Variants in SGIP1 observed in about 807,000 individuals in gnomAD.
SGIP1 encodes the protein SH3GL interacting endocytic adaptor 1.
In SGIP1, 38 loss-of-function variants were observed where a neutral mutation model predicts 107.5. That is an observed-to-expected ratio of 0.35 (90% CI 0.27 to 0.46). The LOEUF (loss-of-function observed/expected upper bound fraction) is 0.46. Among genes scored for constraint, SGIP1 ranks in the 20% least tolerant of loss-of-function variants. SGIP1 has a pLI of 1.00. For synonymous variants in SGIP1, 365 were observed against 366.1 expected (o/e 1.00, Z 0.03); for missense variants, 929 against 1,019.5 (o/e 0.91, Z 1.21).
chr1:66,646,107 C>G (rs2077613348), intron 7 of SGIP1, among the ~76,000 whole-genome samples: 1 of 152,146 alleles, frequency 6.6e-6, no homozygotes. Flanking sequence ...TCCCAAAGTG[C>G]TGGGATTACA....
chr1:66,729,073 TAACA>T (rs916941024), intron 19 of SGIP1, among the ~76,000 whole-genome samples, 187 bp from the exon 20 acceptor site: 8 of 152,206 alleles, frequency 5.3e-5, no homozygotes, highest in African/African-American at 1.9e-4. Flanking sequence ...TTTACCTATA[TAACA>T]AACCTGCACA....
chr1:66,563,995 C>A (rs1295149981), intron 1 of SGIP1, among the ~76,000 whole-genome samples: 1 of 151,944 alleles, frequency 6.6e-6, no homozygotes, highest in Non-Finnish European at 1.5e-5. Flanking sequence ...AGACTGTAAG[C>A]AATCATATAG....
chr1:66,671,915 C>G, intron 10 of SGIP1, 29 bp from the exon 11 acceptor site: 2 of 1,611,936 alleles, frequency 1.2e-6, no homozygotes, highest in South Asian at 2.2e-5. Flanking sequence ...AAAAATTTGT[C>G]TAAAAAGTTC....
At chr1:66,602,665 A>T (rs2066088285) in intron 1 of SGIP1, among the ~76,000 whole-genome samples, 1 of 151,958 alleles carries the variant, frequency 6.6e-6, no homozygotes, top group African/African-American at 2.4e-5. Context: ...TAAATAAATA[A>T]AAAGAAATAC....
chr1:66,659,005 G>A (rs1280446681), intron 7 of SGIP1, among the ~76,000 whole-genome samples: 1 of 152,166 alleles, frequency 6.6e-6, no homozygotes, highest in Non-Finnish European at 1.5e-5. Context: ...AGCCAGGAGA[G>A]TGCAGCGAAG....
At chr1:66,573,104 G>A (rs2060600920) in intron 1 of SGIP1, among the ~76,000 whole-genome samples, 1 of 151,986 alleles carries the variant, frequency 6.6e-6, no homozygotes, top group Non-Finnish European at 1.5e-5. Flanking sequence ...GTTTCTTCGT[G>A]GAGTGATTAA....
chr1:66,690,969 C>T (rs1049197621), intron 17 of SGIP1, among the ~76,000 whole-genome samples: 5 of 152,100 alleles, frequency 3.3e-5, no homozygotes, highest in African/African-American at 9.7e-5. Flanking sequence ...GATGGTTTTC[C>T]AAGGTTTCAA....
intron 15 of SGIP1, 139 bp downstream of exon 15, chr1:66,682,508 C>T: frequency 9.6e-7 from 1 of 1,038,054 alleles, no homozygotes; most frequent in Non-Finnish European, 1.4e-6. Flanking sequence ...TCCTGTGGCC[C>T]CACAGCATGT....
chr1:66,698,069 T>G (rs763005220), intron 18 of SGIP1, among the ~76,000 whole-genome samples: 1 of 152,250 alleles, frequency 6.6e-6, no homozygotes, highest in African/African-American at 2.4e-5. Context: ...TTCAAAACAC[T>G]ATTCTGTCTT....
intron 1 of SGIP1, among the ~76,000 whole-genome samples, chr1:66,602,245 G>A (rs1306845591): frequency 6.6e-6 from 1 of 152,192 alleles, no homozygotes; most frequent in South Asian, 2.1e-4. Flanking sequence ...CTTGTCATAG[G>A]ATTTGAGAGA....
intron 1 of SGIP1, among the ~76,000 whole-genome samples, chr1:66,603,734 A>G (rs2066301533): frequency 6.6e-6 from 1 of 152,200 alleles, no homozygotes; most frequent in Non-Finnish European, 1.5e-5. Flanking sequence ...AAAGAGACCA[A>G]TCTAAGTGTG....
In SGIP1 at chr1:66,747,514, G is replaced by A. The variant is rs12742377; in HGVS notation, c.*4419G>A. The stretch of plus-strand genomic sequence containing the variant: ...TGTCCTTTTCTTCAATGTCTTAAAA[G>A]ACTTGAAGTAGAAGGGAAGTTGCAA... On this transcript the variant is annotated 3_prime_UTR_variant, in exon 25 of 25. Coordinates refer to ENST00000371037, the MANE Select transcript of SGIP1 (RefSeq NM_032291.4). 2.6e-5 allele frequency: 4 copies of A among 151,890 alleles called. No individual in the cohort carries two copies. The highest frequency in any genetic ancestry group is 4.4e-5 in the Non-Finnish European group (3 of 67,846). 9.4% of individuals were successfully genotyped at this position (151,890 alleles called of 1,614,324 possible). A position where few individuals can be genotyped will look rare whatever the true frequency, so the allele number is the denominator to read the frequency against.
intron 8 of SGIP1, 79 bp downstream of exon 8, chr1:66,660,603 T>C: frequency 7.6e-7 from 1 of 1,311,916 alleles, no homozygotes; most frequent in Non-Finnish European, 1.1e-6. Context: ...ATCTAATGAC[T>C]GACTGTGTTT....
intron 1 of SGIP1, among the ~76,000 whole-genome samples, chr1:66,605,890 A>G (rs755956356): frequency 6.6e-6 from 1 of 152,148 alleles, no homozygotes; most frequent in South Asian, 2.1e-4. Flanking sequence ...CCAGTTTTCC[A>G]GGTAAAGTTT....
In SGIP1 at chr1:66,716,804, A is replaced by G. The variant is rs957142908; in HGVS notation, c.1631-2490A>G. On this transcript the variant is annotated intron_variant, in intron 18 of 24. Transcript: ENST00000371037. ...AATTATGATTTTAATGACTATAAAG[A>G]CAAATTTTCCTAAATATTTATATAA... Among the ~76,000 whole-genome samples, 14 of 152,296 alleles carry G rather than the reference A, an allele frequency of 9.2e-5. No individual in the cohort carries two copies. In the South Asian group the frequency reaches 2.9e-3, roughly 32 times the overall value.
chr1:66,580,784 G>A (rs899474493), intron 1 of SGIP1, among the ~76,000 whole-genome samples: 15 of 151,956 alleles, frequency 9.9e-5, no homozygotes, highest in African/African-American at 2.9e-4. Flanking sequence ...ACTACATAGC[G>A]CTTTTTATGA....
chr1:66,619,677 T>C (rs896623158), intron 1 of SGIP1, among the ~76,000 whole-genome samples: 10 of 152,216 alleles, frequency 6.6e-5, no homozygotes, highest in Non-Finnish European at 1.3e-4. Flanking sequence ...GGAGGGGTTA[T>C]TGGCAGGACT....
At chr1:66,624,331 C>A (rs1044299183) in intron 1 of SGIP1, among the ~76,000 whole-genome samples, 1 of 151,992 alleles carries the variant, frequency 6.6e-6, no homozygotes, top group Non-Finnish European at 1.5e-5. Flanking sequence ...TTTTAATAAA[C>A]AAAATGAAAA....
At chr1:66,549,225 C>G (rs771242390) in intron 1 of SGIP1, among the ~76,000 whole-genome samples, 1 of 150,492 alleles carries the variant, frequency 6.6e-6, no homozygotes, top group Non-Finnish European at 1.5e-5. Context: ...CTTGCTTCCT[C>G]TCTTTCTTTT....
Sources: gnomAD v4.1 joint callset for allele counts (sites outside exome capture counted in the v4.1 genomes callset) on GRCh38, gnomAD v4.1.1 for gene constraint, MANE v1.5 for transcripts, NCBI Gene and HGNC (gene_info 2026-07-23, HGNC 2026-07-21) for gene names.